Variants in CMIP observed in about 807,000 individuals in gnomAD.
CMIP encodes C-Maf-inducing protein.
A neutral mutation model predicts 97.3 loss-of-function variants in CMIP; 13 were observed. The ratio of observed to expected loss-of-function variants is 0.13; its 90% CI spans 0.09 to 0.21. The LOEUF is 0.21. Among genes scored for constraint, CMIP ranks in the 10% least tolerant of loss-of-function variants. The probability of loss-of-function intolerance (pLI) is 1.00; values close to 1 mark genes in which losing one functional copy is unlikely to be tolerated. For synonymous variants in CMIP, 538 were observed against 436.3 expected, an observed-to-expected ratio of 1.23 and a Z score of -2.91; for missense variants, 847 against 1,024.9, an observed-to-expected ratio of 0.83 and a Z score of 2.37.
intron 1 of CMIP, among the ~76,000 whole-genome samples, chr16:81,463,322 A>G (rs1331053402): frequency 5.3e-5 from 8 of 152,240 alleles, no homozygotes; most frequent in Admixed American, 5.2e-4. Flanking sequence ...AGAGAGGGAC[A>G]GAGTTCCTTG....
chr16:81,561,566 G>C (rs1427078406), intron 1 of CMIP, among the ~76,000 whole-genome samples: 1 of 152,132 alleles, frequency 6.6e-6, no homozygotes, highest in African/African-American at 2.4e-5. Context: ...GCAGGGGCTG[G>C]GGTATGAAAG....
At chr16:81,691,602 C>G in intron 10 of CMIP, 173 bp from the exon 11 acceptor site, 1 of 641,940 alleles carries the variant, frequency 1.6e-6, no homozygotes, top group Non-Finnish European at 2.8e-6. Flanking sequence ...TCCTTGAGGC[C>G]ACGCTGAGAA....
At chr16:81,645,398 G>A in intron 3 of CMIP, 2 of 1,470,634 alleles carry the variant, frequency 1.4e-6, no homozygotes, top group East Asian at 2.5e-5. Context: ...CAGCAGCAGA[G>A]CAGCAGAGCA....
chr16:81,553,264 C>T (rs1415678540), intron 1 of CMIP, among the ~76,000 whole-genome samples: 2 of 152,218 alleles, frequency 1.3e-5, no homozygotes, highest in African/African-American at 4.8e-5. Flanking sequence ...TGGCTTCCTG[C>T]GTCCTGGCCT....
chr16:81,701,932 A>G (rs1365171364), intron 16 of CMIP, 132 bp downstream of exon 16: 3 of 1,088,448 alleles, frequency 2.8e-6, no homozygotes. Context: ...AACCCCAGAA[A>G]TTGGTATTAC....
intron 1 of CMIP, among the ~76,000 whole-genome samples, chr16:81,584,154 C>T (rs1283480759): frequency 1.3e-5 from 2 of 152,108 alleles, no homozygotes; most frequent in Admixed American, 1.3e-4. Context: ...CAAGCCAGGC[C>T]TGGGAAGACG....
chr16:81,572,796 C>T (rs963258781), intron 1 of CMIP, among the ~76,000 whole-genome samples: 9 of 152,212 alleles, frequency 5.9e-5, no homozygotes, highest in East Asian at 3.9e-4. Flanking sequence ...TGCAGAATGA[C>T]GGCGGTTCAC....
At chr16:81,504,204 T>C (rs1415535742) in intron 1 of CMIP, among the ~76,000 whole-genome samples, 1 of 152,000 alleles carries the variant, frequency 6.6e-6, no homozygotes, top group Non-Finnish European at 1.5e-5. Flanking sequence ...TGGGCGCCAG[T>C]AATCCCAAGT....
intron 1 of CMIP, among the ~76,000 whole-genome samples, chr16:81,549,720 T>A (rs1169027465): frequency 6.6e-6 from 1 of 152,210 alleles, no homozygotes; most frequent in African/African-American, 2.4e-5. Context: ...CCTGGTAAGC[T>A]GGGCAGACCG....
chr16:81,600,151 T>C (rs1295190011), intron 1 of CMIP, among the ~76,000 whole-genome samples: 1 of 151,200 alleles, frequency 6.6e-6, no homozygotes, highest in Non-Finnish European at 1.5e-5. Context: ...TGGTGGTGGG[T>C]GACTGTAATC....
At chr16:81,496,818 A>G (rs1242080121) in intron 1 of CMIP, among the ~76,000 whole-genome samples, 3 of 152,236 alleles carry the variant, frequency 2.0e-5, no homozygotes, top group Admixed American at 1.3e-4. Flanking sequence ...GCAGAGTCTT[A>G]CATTCTGTGA....
intron 1 of CMIP, chr16:81,518,031 T>TTG (rs2089949645): frequency 4.6e-5 from 18 of 394,100 alleles, no homozygotes; most frequent in Non-Finnish European, 4.8e-5. Context: ...CCATGGTTAA[T>TTG]TGTGTGTGTG....
intron 3 of CMIP, among the ~76,000 whole-genome samples, chr16:81,634,120 G>A (rs988077910): frequency 6.6e-5 from 10 of 152,196 alleles, no homozygotes; most frequent in African/African-American, 2.4e-4. Flanking sequence ...ACTCTGAGGT[G>A]GCAGGATGAG....
chr16:81,598,835 G>A (rs1009486138), intron 1 of CMIP, among the ~76,000 whole-genome samples: 11 of 152,102 alleles, frequency 7.2e-5, no homozygotes, highest in African/African-American at 2.7e-4. Flanking sequence ...TGGGCGTGGT[G>A]TTGTGTGCCT....
chr16:81,574,531 G>A (rs2091155307), intron 1 of CMIP, among the ~76,000 whole-genome samples: 1 of 152,260 alleles, frequency 6.6e-6, no homozygotes, highest in African/African-American at 2.4e-5. Flanking sequence ...CTGGAAGGCT[G>A]TTGGAGGCTT....
chr16:81,499,217 C>G (rs2089549748), intron 1 of CMIP, among the ~76,000 whole-genome samples: 1 of 152,100 alleles, frequency 6.6e-6, no homozygotes, highest in Non-Finnish European at 1.5e-5. Context: ...CCCAGCATGG[C>G]CACACCCCCT....
chr16:81,544,542 T>G (rs2090508459), intron 1 of CMIP, among the ~76,000 whole-genome samples: 1 of 151,956 alleles, frequency 6.6e-6, no homozygotes, highest in Non-Finnish European at 1.5e-5. Context: ...GCCACCTCCT[T>G]ATTGCTATAT....
chr16:81,468,178 T>A lies in CMIP; in HGVS notation c.300+22637T>A, dbSNP rs536057733. 2.0e-5 allele frequency among the ~76,000 whole-genome samples: 3 copies of A among 152,336 alleles called. No homozygotes were observed. The East Asian group carries it at 5.8e-4, about 29-fold the overall frequency. On this transcript the variant is annotated intron_variant, in intron 1 of 20. Transcript: ENST00000537098. ...GGAGCCCAAGATAATGAGCGGGCTT[T>A]CCTGGGCAGGGGCCAGAGGGCTGGG... is the stretch of plus-strand genomic sequence containing the variant.
chr16:81,508,862 G>T (rs2089759272), intron 1 of CMIP, among the ~76,000 whole-genome samples: 1 of 152,186 alleles, frequency 6.6e-6, no homozygotes, highest in African/African-American at 2.4e-5. Flanking sequence ...GTATGCTTTT[G>T]TCAACTGTGC....
Sources: gnomAD v4.1 joint callset for allele counts (sites outside exome capture counted in the v4.1 genomes callset) on GRCh38, gnomAD v4.1.1 for gene constraint, MANE v1.5 for transcripts, NCBI Gene and HGNC (gene_info 2026-07-23, HGNC 2026-07-21) for gene names.